Variants in ARPP21 observed in about 807,000 individuals in gnomAD.
ARPP21 encodes cAMP-regulated phosphoprotein 21.
In ARPP21, 69 loss-of-function variants were observed where a neutral mutation model predicts 113.2. The observed-to-expected ratio is 0.61, with a 90% CI of 0.50 to 0.74. The LOEUF is 0.74. Among genes scored for constraint, ARPP21 ranks in the 30% least tolerant of loss-of-function variants. The pLI, the probability that ARPP21 is intolerant of heterozygous loss-of-function variation, is 0.00. For synonymous variants in ARPP21, 368 were observed against 375.5 expected, an observed-to-expected ratio of 0.98 and a Z score of 0.23; for missense variants, 1,070 against 1,037.4, an observed-to-expected ratio of 1.03 and a Z score of -0.43.
At chr3:35,790,227 G>A (rs1309960582) in intron 19 of ARPP21, among the ~76,000 whole-genome samples, 1 of 152,128 alleles carries the variant, frequency 6.6e-6, no homozygotes, top group Non-Finnish European at 1.5e-5. Context: ...CAGAAGTAAG[G>A]CCTTATTATA....
chr3:35,701,297 G>C (rs1228776698), intron 9 of ARPP21, among the ~76,000 whole-genome samples: 2 of 151,642 alleles, frequency 1.3e-5, no homozygotes, highest in East Asian at 3.9e-4. Context: ...ATTCATATAA[G>C]ATCATCCTCA....
chr3:35,704,037 TAAAC>T (rs2087616817), intron 9 of ARPP21, among the ~76,000 whole-genome samples: 1 of 151,870 alleles, frequency 6.6e-6, no homozygotes, highest in Non-Finnish European at 1.5e-5. Flanking sequence ...ACTATAATCA[TAAAC>T]AATTCTCTAT....
intron 9 of ARPP21, among the ~76,000 whole-genome samples, chr3:35,705,444 G>T (rs575331517): frequency 6.6e-6 from 1 of 152,194 alleles, no homozygotes; most frequent in African/African-American, 2.4e-5. Context: ...TGTCATATTC[G>T]CACTTTCAGG....
chr3:35,673,982 C>A (rs2076933301), intron 1 of ARPP21, among the ~76,000 whole-genome samples: 1 of 151,896 alleles, frequency 6.6e-6, no homozygotes, highest in Admixed American at 6.6e-5. Context: ...TGAAGATATG[C>A]ATTTTATGAA....
At chr3:35,734,176 T>C (rs1308475989) in intron 15 of ARPP21, among the ~76,000 whole-genome samples, 1 of 152,206 alleles carries the variant, frequency 6.6e-6, no homozygotes, top group African/African-American at 2.4e-5. Context: ...CCTGTCTCTC[T>C]GATTTTTTAA....
Position 35,687,770 on chromosome 3 carries a change from C to G in ARPP21, c.293C>G (p.Ser98Cys), listed in dbSNP as rs1310271068. 5.0e-6 allele frequency: 8 copies of G among 1,602,234 alleles called. No homozygotes were observed. Among genetic ancestry groups the G allele is most frequent in the Non-Finnish European group, 6.8e-6 (8 of 1,175,482 alleles). ...ATTCATTTACAGCTTTCCAGTTTTT[C>G]CAGCCTGCAAGAGGAGGATAAATCT... ...ESIHLQLSSF[S>C]SLQEEDKSRK... The change falls in exon 6 of 21, where the codon TCC becomes TGC. Residue 98 changes from serine to cysteine, a missense_variant. By Grantham distance (112) the Ser-to-Cys change is moderately radical. Transcript: ENST00000684406.
At chr3:35,762,023 G>T (rs190858516) in intron 19 of ARPP21, among the ~76,000 whole-genome samples, 3 of 150,678 alleles carry the variant, frequency 2.0e-5, no homozygotes, top group Admixed American at 6.6e-5. Flanking sequence ...AAATAACAAA[G>T]AATTTTTTCC....
chr3:35,681,916 A>G (rs1372414512), intron 3 of ARPP21, 36 bp downstream of exon 3: 1 of 1,604,626 alleles, frequency 6.2e-7, no homozygotes, highest in South Asian at 1.1e-5. Context: ...CTCTCATACA[A>G]CTGTGTGCAG....
In ARPP21 at chr3:35,665,320, C is replaced by T. The variant is rs373836226; in HGVS notation, c.-212-14467C>T. ...TTTAATATGATAACAAGATCATAAG[C>T]GGCCTAAGCTTTTTTTAATATGATA... On this transcript the variant is annotated intron_variant, in intron 1 of 20. Transcript: ENST00000684406. Among the ~76,000 whole-genome samples, 50 of 151,516 alleles carry T rather than the reference C, an allele frequency of 3.3e-4. No individual in the cohort carries two copies. In the South Asian group the frequency reaches 9.2e-3, roughly 28 times the overall value.
At chr3:35,642,734 TA>T (rs1159109148) in intron 1 of ARPP21, among the ~76,000 whole-genome samples, 1 of 152,152 alleles carries the variant, frequency 6.6e-6, no homozygotes, top group African/African-American at 2.4e-5. Flanking sequence ...GCGAATAAAA[TA>T]ACTAATATGC....
intron 19 of ARPP21, among the ~76,000 whole-genome samples, chr3:35,789,921 T>G (rs980888005): frequency 1.3e-5 from 2 of 152,230 alleles, no homozygotes; most frequent in Non-Finnish European, 2.9e-5. Flanking sequence ...GAATCTCTTA[T>G]AGGCCACCTA....
At chr3:35,696,886 T>C (rs187347651) in intron 9 of ARPP21, among the ~76,000 whole-genome samples, 29 of 151,712 alleles carry the variant, frequency 1.9e-4, no homozygotes, top group Admixed American at 1.6e-3. Context: ...CTTCAGTTTC[T>C]CTCTCTTTTA....
At chr3:35,730,618 T>C (rs878910977) in intron 15 of ARPP21, among the ~76,000 whole-genome samples, 46 of 152,256 alleles carry the variant, frequency 3.0e-4, no homozygotes, top group Admixed American at 2.9e-3. Flanking sequence ...GAAAGAGATC[T>C]GAAGTTTGGT....
At chr3:35,733,849 T>C (rs2150583631) in intron 15 of ARPP21, among the ~76,000 whole-genome samples, 1 of 152,292 alleles carries the variant, frequency 6.6e-6, no homozygotes, top group South Asian at 2.1e-4. Flanking sequence ...CCTTAGTGCT[T>C]TTTCTGTGCA....
chr3:35,664,295 G>A (rs1461972283), intron 1 of ARPP21, among the ~76,000 whole-genome samples: 1 of 152,010 alleles, frequency 6.6e-6, no homozygotes, highest in Admixed American at 6.6e-5. Context: ...ATTTCTTTGT[G>A]GTGAGAACAT....
At chr3:35,761,736 T>C (rs2095786783) in intron 19 of ARPP21, among the ~76,000 whole-genome samples, 1 of 152,106 alleles carries the variant, frequency 6.6e-6, no homozygotes, top group South Asian at 2.1e-4. Flanking sequence ...CTAGAAGGAT[T>C]AGCACCTCAG....
At chr3:35,693,638 T>C (rs762263524) in intron 9 of ARPP21, among the ~76,000 whole-genome samples, 6 of 151,714 alleles carry the variant, frequency 4.0e-5, no homozygotes, top group Non-Finnish European at 7.4e-5. Flanking sequence ...AAGTTCAAAA[T>C]GGGGCATTAT....
At chr3:35,751,618 A>G (rs2095408026) in intron 19 of ARPP21, among the ~76,000 whole-genome samples, 1 of 152,104 alleles carries the variant, frequency 6.6e-6, no homozygotes, top group Non-Finnish European at 1.5e-5. Flanking sequence ...ACTATCCCTT[A>G]CAGTCTGCTC....
chr3:35,716,725 A>G (rs1042078971), intron 12 of ARPP21, among the ~76,000 whole-genome samples: 2 of 151,964 alleles, frequency 1.3e-5, no homozygotes, highest in South Asian at 2.1e-4. Context: ...CTTCTAGCCA[A>G]TGATTTTCCC....
Sources: gnomAD v4.1 joint callset for allele counts (sites outside exome capture counted in the v4.1 genomes callset) on GRCh38, gnomAD v4.1.1 for gene constraint, MANE v1.5 for transcripts, NCBI Gene and HGNC (gene_info 2026-07-23, HGNC 2026-07-21) for gene names.